SPTBN1: variants seen among roughly 807,000 people sequenced by gnomAD.
SPTBN1 encodes the protein spectrin beta, non-erythrocytic 1, also known as spectrin beta chain, non-erythrocytic 1.
Under a neutral mutation model 266.4 loss-of-function variants are expected in SPTBN1, and 32 were observed. That is an observed-to-expected ratio of 0.12 (90% CI 0.09 to 0.16). SPTBN1 has a LOEUF of 0.16. SPTBN1 is among the 10% of genes least tolerant of loss of function. The probability of loss-of-function intolerance (pLI) is 1.00; values close to 1 mark genes in which losing one functional copy is unlikely to be tolerated. For missense variants in SPTBN1, 2,296 were observed against 3,067.1 expected (o/e 0.75, Z 5.94); for synonymous variants, 1,336 against 1,162.2 (o/e 1.15, Z -3.04).
In SPTBN1 at chr2:54,476,807, A is replaced by G. The variant is rs7581303; in HGVS notation, c.-48+20289A>G. 6.0e-3 allele frequency among the ~76,000 whole-genome samples: 918 copies of G among 152,322 alleles called. 14 individuals carry two copies. Among genetic ancestry groups the G allele is most frequent in the African/African-American group, 0.021 (861 of 41,578 alleles). On this transcript the variant is annotated intron_variant, in intron 1 of 35. Coordinates refer to ENST00000356805, the MANE Select transcript of SPTBN1 (RefSeq NM_003128.3). ...GACTATTTGAAGAGAGATTTTTTCT[A>G]TTGCAAATCAAATTGCAGGCAGTGT...
intron 1 of SPTBN1, among the ~76,000 whole-genome samples, chr2:54,463,999 G>A (rs1693503600): frequency 6.6e-6 from 1 of 152,192 alleles, no homozygotes; most frequent in South Asian, 2.1e-4. Context: ...ATGAAATACA[G>A]ACTAAATTAA....
chr2:54,475,602 T>C lies in SPTBN1; in HGVS notation c.-48+19084T>C, dbSNP rs1420595903. ...GCTACCATGTGACAGGCACGTAACA[T>C]GAGTGGGAAACATGCTTCTGTGAGT... is the stretch of plus-strand genomic sequence containing the variant. On this transcript the variant is annotated intron_variant, in intron 1 of 35. Coordinates refer to ENST00000356805, the MANE Select transcript of SPTBN1 (RefSeq NM_003128.3). 5.3e-5 allele frequency among the ~76,000 whole-genome samples: 8 copies of C among 152,170 alleles called. 1 individual carries two copies. The highest frequency in any genetic ancestry group is 4.6e-4 in the Admixed American group (7 of 15,278).
intron 3 of SPTBN1, among the ~76,000 whole-genome samples, chr2:54,611,244 C>G (rs1215922800): frequency 6.6e-6 from 1 of 152,124 alleles, no homozygotes; most frequent in African/African-American, 2.4e-5. Context: ...TCATCTGAAT[C>G]TTTTCAAATT....
intron 1 of SPTBN1, among the ~76,000 whole-genome samples, chr2:54,493,070 A>G (rs904300956): frequency 4.7e-5 from 7 of 148,726 alleles, no homozygotes; most frequent in African/African-American, 1.7e-4. Flanking sequence ...CAGTGGCACA[A>G]TCAGAGCTCA....
intron 1 of SPTBN1, among the ~76,000 whole-genome samples, chr2:54,463,241 G>A (rs1693458548): frequency 6.6e-6 from 1 of 152,228 alleles, no homozygotes; most frequent in Non-Finnish European, 1.5e-5. Flanking sequence ...GACCTAGTGG[G>A]TGACGAGCTA....
At chr2:54,623,373 A>G (rs1437925238) in intron 9 of SPTBN1, 106 bp from the exon 10 acceptor site, 7 of 943,854 alleles carry the variant, frequency 7.4e-6, no homozygotes, top group African/African-American at 3.3e-5. Context: ...TCTCTTTGAC[A>G]TGCATTTCAT....
chr2:54,470,294 A>G (rs575097748), intron 1 of SPTBN1, among the ~76,000 whole-genome samples: 6 of 152,286 alleles, frequency 3.9e-5, no homozygotes, highest in Non-Finnish European at 7.4e-5. Flanking sequence ...ACATGTGTAC[A>G]TGCATTTTTT....
chr2:54,668,926 G>T lies in SPTBN1; in HGVS notation c.*357G>T. On this transcript the variant is annotated 3_prime_UTR_variant, in exon 36 of 36. Transcript: ENST00000356805. ...GCGGTGCTTAATCAATATTTCCTGT[G>T]CTCACCAGAGGCAAAATGTACCAAT... 1 of 249,582 alleles carries T rather than the reference G, an allele frequency of 4.0e-6. No individual in the cohort carries two copies. Among genetic ancestry groups the T allele is most frequent in the Non-Finnish European group, 7.9e-6 (1 of 126,686 alleles). The allele number at this position is 249,582 out of a possible 1,614,324, so 15.5% of individuals were successfully genotyped here. A position where few individuals can be genotyped will look rare whatever the true frequency, so the allele number is the denominator to read the frequency against.
intron 9 of SPTBN1, 37 bp from the exon 10 acceptor site, chr2:54,623,442 T>C (rs763117544): frequency 7.5e-5 from 120 of 1,592,734 alleles, no homozygotes; most frequent in Non-Finnish European, 1.0e-4. Context: ...AATTTTTTTT[T>C]CTCCAGTACC....
At position 54,486,988 on chromosome 2, in the gene SPTBN1, G is replaced by A. The variant is rs188954660; in HGVS notation, c.-48+30470G>A. ...GTGAGATCATTTATCAAACGGCGCT[G>A]AGGACCAGTTTTTGAGGCTAGCAAT... On this transcript the variant is annotated intron_variant, in intron 1 of 35. Coordinates refer to ENST00000356805, the MANE Select transcript of SPTBN1 (RefSeq NM_003128.3). Among the ~76,000 whole-genome samples, 723 of 152,138 alleles carry A rather than the reference G, an allele frequency of 4.8e-3. 2 individuals carry two copies. The highest frequency in any genetic ancestry group is 0.017 in the African/African-American group (704 of 41,526).
At chr2:54,504,689 G>C (rs182804051) in intron 1 of SPTBN1, among the ~76,000 whole-genome samples, 64 of 152,182 alleles carry the variant, frequency 4.2e-4, no homozygotes, top group African/African-American at 1.5e-3. Context: ...ATGGATTTTG[G>C]TATTCATAAG....
At chr2:54,468,806 C>T (rs1693773310) in intron 1 of SPTBN1, among the ~76,000 whole-genome samples, 1 of 152,156 alleles carries the variant, frequency 6.6e-6, no homozygotes. Context: ...GCATTAATTC[C>T]CCTGAGAGAC....
At chr2:54,482,079 C>T (rs1361062602) in intron 1 of SPTBN1, among the ~76,000 whole-genome samples, 1 of 152,134 alleles carries the variant, frequency 6.6e-6, no homozygotes, top group Non-Finnish European at 1.5e-5. Context: ...TATTTGGCCT[C>T]ATTATTTACA....
intron 1 of SPTBN1, among the ~76,000 whole-genome samples, chr2:54,477,642 G>A (rs1197397836): frequency 1.3e-5 from 2 of 152,108 alleles, no homozygotes; most frequent in African/African-American, 4.8e-5. Context: ...GGCTGGGCGC[G>A]GTGGCTCATG....
chr2:54,503,359 A>G (rs961116462), intron 1 of SPTBN1, among the ~76,000 whole-genome samples: 10 of 152,150 alleles, frequency 6.6e-5, no homozygotes, highest in African/African-American at 2.2e-4. Flanking sequence ...TCATCTGGTT[A>G]GTGGCTTTGC....
chr2:54,637,691 A>G, intron 17 of SPTBN1, 22 bp from the exon 18 acceptor site: 3 of 1,579,208 alleles, frequency 1.9e-6, no homozygotes, highest in Non-Finnish European at 2.6e-6. Context: ...TTTAAAAATT[A>G]TTTTTGTTAC....
chr2:54,508,610 A>G (rs1274075273), intron 1 of SPTBN1, among the ~76,000 whole-genome samples: 2 of 152,120 alleles, frequency 1.3e-5, no homozygotes, highest in Non-Finnish European at 2.9e-5. Context: ...GTGAGACTGG[A>G]AGGAGATTTT....
At chr2:54,624,343 T>C (rs1194458064) in intron 10 of SPTBN1, among the ~76,000 whole-genome samples, 1 of 152,138 alleles carries the variant, frequency 6.6e-6, no homozygotes, top group East Asian at 1.9e-4. Context: ...TTCCTAGGAA[T>C]GAATTTAATA....
In SPTBN1 at chr2:54,655,838, C is replaced by T. The variant is rs148088053; in HGVS notation, c.5962-76C>T. ...TGGTCTTTGCAGAAAATGTATTTTT[C>T]TAGTATAAAATGACCCCATCAAGAG... is the stretch of plus-strand genomic sequence containing the variant. On this transcript the variant is annotated intron_variant, in intron 28 of 35. Transcript: ENST00000356805. 8 of 1,098,294 alleles carry T rather than the reference C, an allele frequency of 7.3e-6. No homozygotes were observed. In the African/African-American group the frequency reaches 7.9e-5, roughly 11 times the overall value. The allele number at this position is 1,098,294 out of a possible 1,614,324, so 68.0% of individuals were successfully genotyped here.
Sources: gnomAD v4.1 joint callset for allele counts (sites outside exome capture counted in the v4.1 genomes callset) on GRCh38, gnomAD v4.1.1 for gene constraint, MANE v1.5 for transcripts, NCBI Gene and HGNC (gene_info 2026-07-23, HGNC 2026-07-21) for gene names.